Variants in SLC46A2 observed in about 807,000 individuals in gnomAD.
The protein encoded by SLC46A2 is thymic stromal co-transporter.
A neutral mutation model predicts 33.1 loss-of-function variants in SLC46A2; 25 were observed. The ratio of observed to expected loss-of-function variants is 0.76; its 90% CI spans 0.55 to 1.06. The LOEUF (loss-of-function observed/expected upper bound fraction) is 1.06. Among genes scored for constraint, SLC46A2 ranks in the 50% least tolerant of loss-of-function variants. SLC46A2 has a pLI of 0.00. For missense variants in SLC46A2, 622 were observed against 621.7 expected (o/e 1.00, Z 0.00); for synonymous variants, 254 against 275.9 (o/e 0.92, Z 0.79).
At chr9:112,880,113 C>T in intron 3 of SLC46A2, 1 of 259,976 alleles carries the variant, frequency 3.8e-6, no homozygotes, top group Non-Finnish European at 7.3e-6. Flanking sequence ...GGTGGATCAC[C>T]TGAAGTCAGG....
intron 3 of SLC46A2, among the ~76,000 whole-genome samples, chr9:112,882,654 G>A (rs1463578421): frequency 2.0e-5 from 3 of 152,052 alleles, no homozygotes; most frequent in African/African-American, 7.2e-5. Context: ...TATTTTGGAG[G>A]TAGAATCAAT....
At chr9:112,887,946 T>TGA (rs59654891) in intron 1 of SLC46A2, among the ~76,000 whole-genome samples, 41,003 of 138,924 alleles carry the variant, frequency 0.3, 6,557 homozygotes, top group East Asian at 0.47. Flanking sequence ...TGTGTGTGTG[T>TGA]GAGAGAGAGA....
intron 3 of SLC46A2, among the ~76,000 whole-genome samples, chr9:112,884,350 T>C (rs1409607914): frequency 6.6e-6 from 1 of 152,236 alleles, no homozygotes; most frequent in Non-Finnish European, 1.5e-5. Flanking sequence ...CTTTTCTTCC[T>C]GTGGTTCGAA....
intron 3 of SLC46A2, among the ~76,000 whole-genome samples, chr9:112,882,999 C>T (rs1486211453): frequency 6.6e-6 from 1 of 152,126 alleles, no homozygotes; most frequent in Non-Finnish European, 1.5e-5. Context: ...CAAATATCTC[C>T]TGAGGAAAGA....
At chr9:112,885,639 A>G (rs1331054068) in intron 3 of SLC46A2, 5 of 152,194 alleles carry the variant, frequency 3.3e-5, no homozygotes, top group Admixed American at 1.3e-4. Context: ...AGTGTAAAAT[A>G]CATACTGGAT....
chr9:112,881,817 T>C (rs1356262488), intron 3 of SLC46A2: 1 of 152,208 alleles, frequency 6.6e-6, no homozygotes, highest in Admixed American at 6.5e-5. Flanking sequence ...CACTGCATTC[T>C]ACCAAGGAGA....
chr9:112,889,432 C>G, intron 1 of SLC46A2, 121 bp downstream of exon 1: 4 of 991,150 alleles, frequency 4.0e-6, no homozygotes, highest in Non-Finnish European at 5.9e-6. Flanking sequence ...CTTGTGCCTC[C>G]TAGGTAGCAG....
chr9:112,884,317 G>A (rs551102650), intron 3 of SLC46A2, among the ~76,000 whole-genome samples: 34 of 152,344 alleles, frequency 2.2e-4, no homozygotes, highest in African/African-American at 7.7e-4. Context: ...GCCTGCCTGG[G>A]TTTTTATGTC....
Position 112,890,465 on chromosome 9 carries a change from C to T in SLC46A2, c.217G>A (p.Ala73Thr). The T allele has an allele frequency of 1.2e-6, 2 of 1,614,230 alleles. No individual in the cohort carries two copies. The highest frequency in any genetic ancestry group is 1.7e-6 in the Non-Finnish European group (2 of 1,180,042). The change falls in exon 1 of 4, where the codon GCC becomes ACC. Residue 73 changes from alanine (A) to threonine (T), a missense_variant. Coordinates refer to ENST00000374228, the MANE Select transcript of SLC46A2 (RefSeq NM_033051.4). This position sits in a 1 kb window ranked among gnomAD's most constrained non-coding sequence, Gnocchi z 6.0. The stretch of plus-strand genomic sequence containing the variant: ...TAGATAATGTAGAAATTGGAGATGG[C>T]TCTCTGCTGTTGGTCCTCTAGAGCC... ...RGALEDQQQR[A>T]ISNFYIIYNL...
intron 1 of SLC46A2, among the ~76,000 whole-genome samples, chr9:112,888,953 C>G (rs1252287940): frequency 6.6e-6 from 1 of 151,136 alleles, no homozygotes; most frequent in Non-Finnish European, 1.5e-5. Flanking sequence ...TGCAGTGGCA[C>G]AATCTCGGCT....
At chr9:112,882,633 A>G (rs1841594573) in intron 3 of SLC46A2, among the ~76,000 whole-genome samples, 1 of 152,026 alleles carries the variant, frequency 6.6e-6, no homozygotes, top group South Asian at 2.1e-4. Context: ...GAAAAGCATA[A>G]GTTTGAGACA....
chr9:112,889,292 G>A (rs557087901), intron 1 of SLC46A2, among the ~76,000 whole-genome samples: 46 of 152,212 alleles, frequency 3.0e-4, no homozygotes, highest in African/African-American at 1.1e-3. Context: ...ACTGACTCCA[G>A]GTACCACTGA....
At position 112,887,396 on chromosome 9, in the gene SLC46A2, A is replaced by T; in HGVS notation, c.1147T>A (p.Phe383Ile). ...ATGGTTGTGACGGGGATGAGAGCAA[A>T]CAGCATGACGGCTCGAGCTGAAAGA... Reference protein sequence around the residue: ...MFYIARAVMLFALIPVTTIRS... With the variant: ...MFYIARAVMLIALIPVTTIRS... Residue 383 changes from phenylalanine (F) to isoleucine (I), a missense_variant, in exon 2 of 4, where the codon TTT becomes ATT. Transcript: ENST00000374228. 6 of 1,610,122 alleles carry T rather than the reference A, an allele frequency of 3.7e-6. No individual in the cohort carries two copies. Among genetic ancestry groups the T allele is most frequent in the Non-Finnish European group, 4.2e-6 (5 of 1,178,422 alleles).
chr9:112,881,094 A>G (rs750278254), intron 3 of SLC46A2, among the ~76,000 whole-genome samples: 3 of 152,158 alleles, frequency 2.0e-5, no homozygotes, highest in Admixed American at 6.5e-5. Flanking sequence ...TATCCATTAC[A>G]TTGTTTAAAA....
Position 112,886,632 on chromosome 9 carries a change from A to G in SLC46A2, c.1214-16T>C, listed in dbSNP as rs1026873803. The G allele has an allele frequency of 1.2e-6, 2 of 1,613,390 alleles. No individual in the cohort carries two copies. The highest frequency in any genetic ancestry group is 1.7e-6 in the Non-Finnish European group (2 of 1,179,772). On this transcript the variant is annotated splice_polypyrimidine_tract_variant and intron_variant, in intron 2 of 3. Coordinates refer to ENST00000374228, the MANE Select transcript of SLC46A2 (RefSeq NM_033051.4). ...AACACCTTTCCTGTGGAAGGGACAG[A>G]GGTTACTCCGGAGTGCCTTGCTGTC...
At chr9:112,888,670 A>G (rs1379630201) in intron 1 of SLC46A2, among the ~76,000 whole-genome samples, 2 of 152,228 alleles carry the variant, frequency 1.3e-5, no homozygotes, top group African/African-American at 2.4e-5. Context: ...TGGAGCATTC[A>G]TCTCGAGCTT....
chr9:112,880,750 C>T (rs1425637105), intron 3 of SLC46A2, among the ~76,000 whole-genome samples: 1 of 152,212 alleles, frequency 6.6e-6, no homozygotes, highest in Non-Finnish European at 1.5e-5. Flanking sequence ...GCCTTTTCCT[C>T]TCCATCCATT....
At chr9:112,885,281 C>G (rs1012976887) in intron 3 of SLC46A2, 1 of 152,076 alleles carries the variant, frequency 6.6e-6, no homozygotes, top group African/African-American at 2.4e-5. Flanking sequence ...TCACTGTCCC[C>G]TTGAACAAGC....
Position 112,889,989 on chromosome 9 carries a change from C to T in SLC46A2, c.693G>A (p.Glu231=), listed in dbSNP as rs1841704930. 1 of 1,614,196 alleles carries T rather than the reference C, an allele frequency of 6.2e-7. No homozygotes were observed. The highest frequency in any genetic ancestry group is 8.5e-7 in the Non-Finnish European group (1 of 1,180,022). Residue 231 remains glutamate (E), a synonymous_variant, in exon 1 of 4, where the codon GAG becomes GAA. Coordinates refer to ENST00000374228, the MANE Select transcript of SLC46A2 (RefSeq NM_033051.4). ...GCTCCTGGCTGGGTTTGGCCACCGA[C>T]TCAGGGACCTTTAGCACCAAAAGGC... is the stretch of plus-strand genomic sequence containing the variant. ...LYSLLVLKVP[E]SVAKPSQELP... is the part of the protein sequence containing the mutation.
Sources: allele counts gnomAD v4.1 joint callset (sites outside exome capture counted in the v4.1 genomes callset), GRCh38; gene constraint gnomAD v4.1.1; non-coding constraint Gnocchi (gnomAD v3.1); transcripts MANE v1.5; gene names NCBI Gene and HGNC (gene_info 2026-07-23, HGNC 2026-07-21).